Variants in ALDH9A1 observed in about 807,000 individuals in gnomAD.
ALDH9A1 encodes the protein 4-trimethylaminobutyraldehyde dehydrogenase.
Under a neutral mutation model 56.6 loss-of-function variants are expected in ALDH9A1, and 42 were observed. That is an observed-to-expected ratio of 0.74 (90% CI 0.58 to 0.96). The LOEUF (loss-of-function observed/expected upper bound fraction) is 0.96. ALDH9A1 is among the 40% of genes least tolerant of loss of function. The probability of loss-of-function intolerance (pLI) is 0.00; values close to 1 mark genes in which losing one functional copy is unlikely to be tolerated. For missense variants in ALDH9A1, 661 were observed against 651.5 expected, an observed-to-expected ratio of 1.01 and a Z score of -0.16; for synonymous variants, 242 against 236.0, an observed-to-expected ratio of 1.03 and a Z score of -0.23.
At chr1:165,682,938 T>C in intron 3 of ALDH9A1, 43 bp downstream of exon 3, 2 of 1,601,652 alleles carry the variant, frequency 1.2e-6, no homozygotes, top group Non-Finnish European at 1.7e-6. Context: ...CCTGCTCTTC[T>C]GCCTCATTAT....
chr1:165,684,819 G>A (rs755404165), intron 2 of ALDH9A1, among the ~76,000 whole-genome samples: 6 of 152,128 alleles, frequency 3.9e-5, no homozygotes, highest in African/African-American at 1.4e-4. Context: ...CTAAGCCCTG[G>A]AACATTTACT....
At chr1:165,696,950 C>T (rs1650108094) in intron 1 of ALDH9A1, among the ~76,000 whole-genome samples, 1 of 152,206 alleles carries the variant, frequency 6.6e-6, no homozygotes, top group South Asian at 2.1e-4. Context: ...TGCCTTCTGG[C>T]TCTGCCAAGT....
intron 6 of ALDH9A1, among the ~76,000 whole-genome samples, chr1:165,673,297 A>G (rs1310508990): frequency 6.6e-6 from 1 of 152,224 alleles, no homozygotes; most frequent in Non-Finnish European, 1.5e-5. Context: ...AAGATAAAAG[A>G]TAACAAGTGT....
At chr1:165,682,692 C>A in intron 3 of ALDH9A1, 2 of 355,266 alleles carry the variant, frequency 5.6e-6, no homozygotes, top group Non-Finnish European at 1.0e-5. Flanking sequence ...TATGACAAAC[C>A]GATTCTTATG....
intron 6 of ALDH9A1, among the ~76,000 whole-genome samples, chr1:165,672,702 T>A (rs999230560): frequency 1.3e-5 from 2 of 152,058 alleles, no homozygotes; most frequent in Admixed American, 6.6e-5. Flanking sequence ...CTTGGGAGGC[T>A]GAAGCAGGAG....
At chr1:165,669,241 C>G (rs190312742) in intron 7 of ALDH9A1, 21 bp downstream of exon 7, 509 of 1,584,566 alleles carry the variant, frequency 3.2e-4, no homozygotes, top group Non-Finnish European at 7.3e-5. Context: ...CAACCCCACC[C>G]TACTGCCAAT....
At position 165,682,252 on chromosome 1, in the gene ALDH9A1, A is replaced by G; in HGVS notation, c.458-11T>C. 1 of 1,612,396 alleles carries G rather than the reference A, an allele frequency of 6.2e-7. No homozygotes were observed. Among genetic ancestry groups the G allele is most frequent in the South Asian group, 1.1e-5 (1 of 90,984 alleles). On this transcript the variant is annotated splice_polypyrimidine_tract_variant and intron_variant, in intron 3 of 10. Transcript: ENST00000354775. The stretch of plus-strand genomic sequence containing the variant: ...GCTGGATGTGTTCACCTATGGGGAA[A>G]ACAGGAGTAAAGGAGGATGCAGGTC...
intron 10 of ALDH9A1, among the ~76,000 whole-genome samples, chr1:165,663,406 T>C (rs2101731709): frequency 6.6e-6 from 1 of 152,360 alleles, no homozygotes; most frequent in Non-Finnish European, 1.5e-5. Flanking sequence ...AGGTATCTAC[T>C]ATTCTGGGTT....
chr1:165,665,481 G>T (rs1038435599), intron 9 of ALDH9A1, among the ~76,000 whole-genome samples: 3 of 152,074 alleles, frequency 2.0e-5, no homozygotes, highest in Non-Finnish European at 4.4e-5. Flanking sequence ...ACGCATCACA[G>T]ACCTAAAAAT....
At chr1:165,695,762 C>T (rs10918252) in intron 1 of ALDH9A1, among the ~76,000 whole-genome samples, 9,006 of 152,124 alleles carry the variant, frequency 0.059, 1,116 homozygotes, top group East Asian at 0.58. Flanking sequence ...TCCCGAAGTG[C>T]CGGAATTACA....
chr1:165,671,668 C>A, intron 6 of ALDH9A1: 1 of 475,684 alleles, frequency 2.1e-6, no homozygotes, highest in Non-Finnish European at 4.1e-6. Context: ...ATTATAAGAC[C>A]AAGTGAGTCC....
intron 6 of ALDH9A1, chr1:165,671,139 C>T (rs1010974737): frequency 1.9e-5 from 3 of 157,534 alleles, no homozygotes; most frequent in African/African-American, 7.2e-5. Context: ...CACTTCTCAT[C>T]TATCTGATAA....
chr1:165,678,466 G>A lies in ALDH9A1; in HGVS notation c.930+976C>T, dbSNP rs147023780. On this transcript the variant is annotated intron_variant, in intron 6 of 10. Transcript: ENST00000354775. ...AATAAATGAATGGAAAACAAACAGG[G>A]GTGAAGGGCAAGTTCTTTCTTACAG... Among the ~76,000 whole-genome samples, 322 of 152,228 alleles carry A rather than the reference G, an allele frequency of 2.1e-3. 1 individual carries two copies. Among genetic ancestry groups the A allele is most frequent in the African/African-American group, 7.6e-3 (314 of 41,560 alleles).
chr1:165,664,534 A>G (rs1314793481), intron 10 of ALDH9A1, among the ~76,000 whole-genome samples: 1 of 152,208 alleles, frequency 6.6e-6, no homozygotes, highest in Non-Finnish European at 1.5e-5. Flanking sequence ...AACGATTATA[A>G]TTGATTGCTT....
intron 4 of ALDH9A1, among the ~76,000 whole-genome samples, chr1:165,681,009 G>C (rs977898292): frequency 1.3e-5 from 2 of 152,120 alleles, no homozygotes; most frequent in Non-Finnish European, 2.9e-5. Flanking sequence ...GGAAACCCCT[G>C]ATAAACCCAT....
intron 2 of ALDH9A1, among the ~76,000 whole-genome samples, chr1:165,688,257 T>C (rs1649775200): frequency 6.6e-6 from 1 of 152,100 alleles, no homozygotes; most frequent in Non-Finnish European, 1.5e-5. Context: ...GTCAAGGCCA[T>C]AGTGAGCTAT....
intron 3 of ALDH9A1, 57 bp downstream of exon 3, chr1:165,682,924 A>G: frequency 6.3e-7 from 1 of 1,581,722 alleles, no homozygotes; most frequent in South Asian, 1.1e-5. Flanking sequence ...CTTCACCACT[A>G]GGCCCTGCTC....
chr1:165,677,704 A>G (rs1277649330), intron 6 of ALDH9A1, among the ~76,000 whole-genome samples: 2 of 151,962 alleles, frequency 1.3e-5, no homozygotes, highest in Non-Finnish European at 2.9e-5. Context: ...TAAAAACACA[A>G]AAAATTAGCC....
At chr1:165,673,757 TG>T (rs1164261868) in intron 6 of ALDH9A1, among the ~76,000 whole-genome samples, 6 of 152,290 alleles carry the variant, frequency 3.9e-5, no homozygotes, top group African/African-American at 1.2e-4. Flanking sequence ...TTACAGAAGA[TG>T]GATCTTTGTC....
Sources: allele counts gnomAD v4.1 joint callset (sites outside exome capture counted in the v4.1 genomes callset), GRCh38; gene constraint gnomAD v4.1.1; transcripts MANE v1.5; gene names NCBI Gene and HGNC (gene_info 2026-07-23, HGNC 2026-07-21).